GLS: variants seen among roughly 807,000 people sequenced by gnomAD.
GLS encodes glutaminase, also known as glutaminase kidney isoform, mitochondrial.
GLS carries 36 observed loss-of-function variants against 86.7 expected under a neutral mutation model. The observed-to-expected ratio is 0.42, with a 90% CI of 0.32 to 0.55. The LOEUF (loss-of-function observed/expected upper bound fraction) is 0.55, where lower values mean the gene tolerates loss of function less well. Ranked by LOEUF, GLS falls within the 20% of genes least tolerant of loss-of-function variation. The pLI, the probability that GLS is intolerant of heterozygous loss-of-function variation, is 0.17. For missense variants in GLS, 528 were observed against 833.4 expected (o/e 0.63, Z 4.51); for synonymous variants, 317 against 305.9 (o/e 1.04, Z -0.38).
At chr2:190,910,184 C>T in intron 6 of GLS, 79 bp from the exon 7 acceptor site, 7 of 867,410 alleles carry the variant, frequency 8.1e-6, no homozygotes, top group Non-Finnish European at 1.3e-5. Flanking sequence ...TGTGCTTTTT[C>T]CAAGGTCATT....
intron 14 of GLS, among the ~76,000 whole-genome samples, chr2:190,936,872 G>A (rs1690285156): frequency 6.6e-6 from 1 of 151,198 alleles, no homozygotes; most frequent in African/African-American, 2.4e-5. Context: ...AAAAAGTTTG[G>A]TTTTTCTCCT....
intron 12 of GLS, among the ~76,000 whole-genome samples, chr2:190,929,614 T>G (rs1355276354): frequency 6.7e-6 from 1 of 150,358 alleles, no homozygotes; most frequent in African/African-American, 2.4e-5. Flanking sequence ...GGATTACAGG[T>G]GCCTGCCACC....
intron 6 of GLS, among the ~76,000 whole-genome samples, chr2:190,906,854 A>C (rs1336654009): frequency 6.6e-6 from 1 of 152,076 alleles, no homozygotes; most frequent in East Asian, 1.9e-4. Context: ...TAAATATATT[A>C]CTGTTACACC....
At chr2:190,903,333 C>T (rs575594841) in intron 5 of GLS, among the ~76,000 whole-genome samples, 12 of 152,310 alleles carry the variant, frequency 7.9e-5, no homozygotes, top group African/African-American at 2.4e-4. Flanking sequence ...GTGAAATGAA[C>T]ACCTAGGTCT....
In GLS at chr2:190,949,852, G is replaced by A. The variant is rs1170748042; in HGVS notation, c.1651-3713G>A. The stretch of plus-strand genomic sequence containing the variant: ...TGATAGACACTGAGTTTACGGTGGG[G>A]AACAGAAAGACAAGTGGTCTCTGCC... On this transcript the variant is annotated intron_variant, in intron 14 of 17. Transcript: ENST00000320717. This position sits in a 1 kb window ranked among gnomAD's most constrained non-coding sequence, Gnocchi z 4.0. Among the ~76,000 whole-genome samples, 1 of 151,746 alleles carries A rather than the reference G, an allele frequency of 6.6e-6. No homozygotes were observed. Among genetic ancestry groups the A allele is most frequent in the Non-Finnish European group, 1.5e-5 (1 of 67,964 alleles).
chr2:190,881,451 C>G lies in GLS; in HGVS notation c.367C>G (p.Leu123Val), dbSNP rs763896449. The change falls in exon 1 of 18, where the codon CTG (leucine) becomes GTG (valine). Residue 123 changes from leucine (L) to valine (V), a missense_variant. Physicochemically the swap from Leu to Val is conservative, Grantham distance 32 (BLOSUM62 1). Around this residue, in one of 4 missense-constraint regions of GLS, gnomAD observed 224 missense variants for 187.9 expected, o/e 1.19. Transcript: ENST00000320717. ...GTTTGGCAACAGCGAGGGCAAAGAG[C>G]TGGTGGCCTCAGGTGAAAAGTGAGT... ...DAFGNSEGKE[L>V]VASGENKIKQ... 6.5e-7 allele frequency: 1 copy of G among 1,541,958 alleles called. No individual in the cohort carries two copies. Among genetic ancestry groups the G allele is most frequent in the Non-Finnish European group, 8.7e-7 (1 of 1,143,374 alleles).
intron 1 of GLS, among the ~76,000 whole-genome samples, chr2:190,890,619 G>A (rs1028260135): frequency 1.3e-5 from 2 of 152,072 alleles, no homozygotes; most frequent in Non-Finnish European, 2.9e-5. Context: ...CTATCTAACA[G>A]GTTTATTAAT....
rs1690070122 is a variant in GLS, at chr2:190,930,364, T to G, written c.1426-73T>G. The G allele has an allele frequency of 8.7e-7, 1 of 1,149,904 alleles. No homozygotes were observed. Among genetic ancestry groups the G allele is most frequent in the African/African-American group, 1.5e-5 (1 of 65,070 alleles). 71.2% of individuals were successfully genotyped at this position (1,149,904 alleles called of 1,614,324 possible). A position where few individuals can be genotyped will look rare whatever the true frequency, so the allele number is the denominator to read the frequency against. Reference sequence around the variant, plus strand: ...TGAGCCATGGTGCCCAGCCCCAGTTTCCCTATTGTTGAACATAACATTTCT... The same window carrying G: ...TGAGCCATGGTGCCCAGCCCCAGTTGCCCTATTGTTGAACATAACATTTCT... On this transcript the variant is annotated intron_variant, in intron 12 of 17. Coordinates refer to ENST00000320717, the MANE Select transcript of GLS (RefSeq NM_014905.5). This position sits in a 1 kb window ranked among gnomAD's most constrained non-coding sequence, Gnocchi z 5.0.
At chr2:190,939,780 G>T (rs1434244957) in intron 14 of GLS, among the ~76,000 whole-genome samples, 1 of 151,688 alleles carries the variant, frequency 6.6e-6, no homozygotes. Flanking sequence ...AAATGAGATT[G>T]ATACCTAAAA....
intron 1 of GLS, among the ~76,000 whole-genome samples, chr2:190,891,357 T>C (rs576696111): frequency 6.6e-6 from 1 of 152,076 alleles, no homozygotes; most frequent in East Asian, 1.9e-4. Flanking sequence ...CAGAGAATGC[T>C]AAAGAGTATA....
intron 17 of GLS, among the ~76,000 whole-genome samples, chr2:190,960,213 AG>A (rs776617679): frequency 9.9e-5 from 15 of 152,212 alleles, no homozygotes; most frequent in Admixed American, 2.6e-4. Flanking sequence ...TGAGAATAAA[AG>A]TTTAGAATGG....
At chr2:190,883,344 G>A (rs913503817) in intron 1 of GLS, among the ~76,000 whole-genome samples, 1 of 152,076 alleles carries the variant, frequency 6.6e-6, no homozygotes, top group African/African-American at 2.4e-5. Context: ...ATCCTGGGAG[G>A]TAAGCTCCCA....
chr2:190,880,923 CG>C lies in GLS; in HGVS notation c.-161del. Reference sequence around the variant, plus strand: ...CAGCAGCAGCAGCAGCAGCAGCACCCGCATCCGCTGCGGGAGTCCGAGCCGG... The same window carrying C: ...CAGCAGCAGCAGCAGCAGCAGCACCCCATCCGCTGCGGGAGTCCGAGCCGG... On this transcript the variant is annotated 5_prime_UTR_variant, in exon 1 of 18. Coordinates refer to ENST00000320717, the MANE Select transcript of GLS (RefSeq NM_014905.5). The C allele has an allele frequency of 1.2e-6, 1 of 802,528 alleles. No homozygotes were observed. Among genetic ancestry groups the C allele is most frequent in the Admixed American group, 2.2e-5 (1 of 44,644 alleles). The allele number at this position is 802,528 out of a possible 1,614,324, so 49.7% of individuals were successfully genotyped here. A position where few individuals can be genotyped will look rare whatever the true frequency, so the allele number is the denominator to read the frequency against.
chr2:190,963,663 A>C lies in GLS; in HGVS notation c.*677A>C, dbSNP rs973721042. 4.6e-5 allele frequency: 7 copies of C among 152,624 alleles called. No individual in the cohort carries two copies. The highest frequency in any genetic ancestry group is 1.7e-4 in the African/African-American group (7 of 41,452). The allele number at this position is 152,624 out of a possible 1,614,324, so 9.5% of individuals were successfully genotyped here. A position where few individuals can be genotyped will look rare whatever the true frequency, so the allele number is the denominator to read the frequency against. ...TCCTTTTTCTATATCCCCTTAGTCC[A>C]GCCTCTCTTCTCAGACATTTAGCTA... On this transcript the variant is annotated 3_prime_UTR_variant, in exon 18 of 18. Transcript: ENST00000320717.
intron 17 of GLS, among the ~76,000 whole-genome samples, chr2:190,957,881 G>C (rs1690898553): frequency 1.3e-5 from 2 of 152,100 alleles, no homozygotes; most frequent in Non-Finnish European, 2.9e-5. Context: ...TTTTTGTTGT[G>C]TCTCTGCCAG....
intron 14 of GLS, among the ~76,000 whole-genome samples, chr2:190,932,127 GT>G (rs1465433948): frequency 6.6e-6 from 1 of 151,926 alleles, no homozygotes. Context: ...AGCCTCAAAA[GT>G]TTTATAAGTC....
At chr2:190,958,122 C>T (rs944074784) in intron 17 of GLS, among the ~76,000 whole-genome samples, 3 of 148,592 alleles carry the variant, frequency 2.0e-5, no homozygotes, top group African/African-American at 7.5e-5. Context: ...AACTTGTTAT[C>T]GGTCTATTCA....
rs2124940374 is a variant in GLS at position 190,947,396 on chromosome 2, T to A, written c.1651-6169T>A. Among the ~76,000 whole-genome samples the A allele has an allele frequency of 6.6e-6, 1 of 152,282 alleles. No individual in the cohort carries two copies. The highest frequency in any genetic ancestry group is 2.1e-4 in the South Asian group (1 of 4,830). On this transcript the variant is annotated intron_variant, in intron 14 of 17. Transcript: ENST00000320717. The surrounding 1 kb of genome is among the most constrained non-coding windows in gnomAD (Gnocchi z 5.0). Reference sequence around the variant, plus strand: ...TTTGTACAAATAAACTAAGATAAGATTGTCTGGTTCGGGCAGATTCTGATA... The same window carrying A: ...TTTGTACAAATAAACTAAGATAAGAATGTCTGGTTCGGGCAGATTCTGATA...
chr2:190,893,719 G>A (rs948920571), intron 1 of GLS, among the ~76,000 whole-genome samples: 1 of 152,064 alleles, frequency 6.6e-6, no homozygotes, highest in South Asian at 2.1e-4. Context: ...CCAAGTAGCC[G>A]GGATTCAGGC....
Sources: gnomAD v4.1 joint callset for allele counts (sites outside exome capture counted in the v4.1 genomes callset) on GRCh38, gnomAD v4.1.1 for gene constraint, gnomAD v4.1.1 regional missense constraint, Gnocchi (gnomAD v3.1) non-coding constraint, MANE v1.5 for transcripts, NCBI Gene and HGNC (gene_info 2026-07-23, HGNC 2026-07-21) for gene names.